Variants in GRM8 observed in about 807,000 individuals in gnomAD.
GRM8 encodes the protein metabotropic glutamate receptor 8.
A neutral mutation model predicts 87.2 loss-of-function variants in GRM8; 47 were observed. The ratio of observed to expected loss-of-function variants is 0.54; its 90% CI spans 0.43 to 0.69. The LOEUF is 0.69. Ranked by LOEUF, GRM8 falls within the 30% of genes least tolerant of loss-of-function variation. The pLI, the probability that GRM8 is intolerant of heterozygous loss-of-function variation, is 0.00. For missense variants in GRM8, 1,019 were observed against 1,139.2 expected (o/e 0.89, Z 1.52); for synonymous variants, 396 against 404.5 (o/e 0.98, Z 0.25).
At position 126,711,752 on chromosome 7, in the gene GRM8, T is replaced by C. The variant is rs75173248; in HGVS notation, c.1357+58113A>G. Among the ~76,000 whole-genome samples the C allele has an allele frequency of 1.9e-3, 288 of 152,378 alleles. 1 individual carries two copies. Among genetic ancestry groups the C allele is most frequent in the Non-Finnish European group, 2.7e-3 (183 of 68,040 alleles). On this transcript the variant is annotated intron_variant, in intron 7 of 10. Coordinates refer to ENST00000339582, the MANE Select transcript of GRM8 (RefSeq NM_000845.3). ...TTGGGATAACTTGCTGAAGCTTCTA[T>C]ATCAGCATTTGCTGCTCACCTTGCA...
At chr7:126,717,545 A>G (rs1164055292) in intron 7 of GRM8, among the ~76,000 whole-genome samples, 1 of 152,200 alleles carries the variant, frequency 6.6e-6, no homozygotes, top group East Asian at 1.9e-4. Context: ...ACAATTAGGA[A>G]AAGTAATACA....
intron 3 of GRM8, among the ~76,000 whole-genome samples, chr7:127,064,264 C>T (rs1820890182): frequency 6.6e-6 from 1 of 152,064 alleles, no homozygotes; most frequent in Admixed American, 6.6e-5. Context: ...GTCTATGTCT[C>T]TGTGGGTCTC....
intron 2 of GRM8, among the ~76,000 whole-genome samples, chr7:127,237,950 A>G (rs1267603661): frequency 6.6e-6 from 1 of 152,244 alleles, no homozygotes; most frequent in Non-Finnish European, 1.5e-5. Context: ...AAAGGAGAGC[A>G]GAGGAAATGT....
intron 2 of GRM8, among the ~76,000 whole-genome samples, chr7:127,178,476 C>G (rs1382205318): frequency 6.6e-6 from 1 of 152,200 alleles, no homozygotes; most frequent in Non-Finnish European, 1.5e-5. Flanking sequence ...GAGACCTACA[C>G]ATCCACACAC....
At chr7:127,025,870 ACTTT>A (rs1028366968) in intron 3 of GRM8, among the ~76,000 whole-genome samples, 5 of 152,098 alleles carry the variant, frequency 3.3e-5, no homozygotes. Context: ...ATATATATAT[ACTTT>A]AAGTTCTAGG....
At chr7:126,777,343 G>A (rs1585891277) in intron 6 of GRM8, among the ~76,000 whole-genome samples, 1 of 152,090 alleles carries the variant, frequency 6.6e-6, no homozygotes, top group Non-Finnish European at 1.5e-5. Flanking sequence ...TAGAAGAACT[G>A]AGATTCAAAA....
intron 7 of GRM8, among the ~76,000 whole-genome samples, chr7:126,699,291 T>C (rs1809685989): frequency 1.3e-5 from 2 of 152,224 alleles, no homozygotes; most frequent in Admixed American, 1.3e-4. Flanking sequence ...TTTTCCATTA[T>C]TTCCCTCAAT....
chr7:126,900,550 G>A (rs755895212), intron 6 of GRM8, among the ~76,000 whole-genome samples: 7 of 151,930 alleles, frequency 4.6e-5, no homozygotes, highest in East Asian at 1.9e-4. Context: ...TCACTCTGTC[G>A]CCCAGGCTGG....
chr7:126,986,415 A>G (rs928964680), intron 3 of GRM8, among the ~76,000 whole-genome samples: 4 of 152,186 alleles, frequency 2.6e-5, no homozygotes, highest in Admixed American at 2.6e-4. Context: ...ATTAATTCTT[A>G]TAGTTAGAGT....
intron 9 of GRM8, 67 bp downstream of exon 9, chr7:126,532,885 G>T: frequency 1.1e-6 from 1 of 918,370 alleles, no homozygotes; most frequent in Non-Finnish European, 1.7e-6. Flanking sequence ...ATAAAAGGAG[G>T]AAAAGCATCC....
intron 6 of GRM8, among the ~76,000 whole-genome samples, chr7:126,884,849 T>C (rs1247824046): frequency 1.3e-5 from 2 of 152,150 alleles, no homozygotes; most frequent in Non-Finnish European, 2.9e-5. Flanking sequence ...GTAACTGTAA[T>C]AAAAGCTAAA....
intron 6 of GRM8, among the ~76,000 whole-genome samples, chr7:126,894,593 C>G (rs1445740751): frequency 6.6e-6 from 1 of 151,966 alleles, no homozygotes. Context: ...ATGTTAGTTT[C>G]TCAGACCAAA....
chr7:127,214,209 T>C (rs1009852652), intron 2 of GRM8, among the ~76,000 whole-genome samples: 2 of 152,176 alleles, frequency 1.3e-5, no homozygotes, highest in Admixed American at 1.3e-4. Flanking sequence ...TGGTTGACCT[T>C]GGAGTAATAC....
At chr7:126,881,134 A>AG (rs1799984598) in intron 6 of GRM8, among the ~76,000 whole-genome samples, 1 of 152,230 alleles carries the variant, frequency 6.6e-6, no homozygotes, top group Admixed American at 6.5e-5. Flanking sequence ...AGAAAAAAAA[A>AG]TAGAATTCAT....
At chr7:126,633,467 C>T (rs757592970) in intron 7 of GRM8, among the ~76,000 whole-genome samples, 2 of 152,090 alleles carry the variant, frequency 1.3e-5, no homozygotes, top group Admixed American at 1.3e-4. Flanking sequence ...TGATGTTATT[C>T]GCTCTTGGTC....
rs1240526207 is a variant in GRM8 at position 126,533,487 on chromosome 7, CAG to C, written c.1893_1894del (p.Cys632LeufsTer46). The C allele has an allele frequency of 1.2e-6, 2 of 1,614,070 alleles. No homozygotes were observed. The highest frequency in any genetic ancestry group is 8.5e-7 in the Non-Finnish European group (1 of 1,179,988). On this transcript the variant is annotated frameshift_variant, in exon 9 of 11. Coordinates refer to ENST00000339582, the MANE Select transcript of GRM8 (RefSeq NM_000845.3). LOFTEE classifies it high-confidence loss of function. ...AATCATTAAAAACGTGATTGAATAA[CAG>C]AGAAAAATCCCCGTTAGGAGCACGT...
chr7:126,696,497 C>A (rs879910170), intron 7 of GRM8, among the ~76,000 whole-genome samples: 2 of 152,108 alleles, frequency 1.3e-5, no homozygotes, highest in Non-Finnish European at 2.9e-5. Context: ...ATTTTCTGTT[C>A]CTGTGTTAGT....
At chr7:126,613,180 A>T (rs79341603) in intron 7 of GRM8, among the ~76,000 whole-genome samples, 2,043 of 152,280 alleles carry the variant, frequency 0.013, 18 homozygotes, top group Middle Eastern at 0.024. Context: ...GCCATAAGGA[A>T]CTAACTCATT....
chr7:126,655,111 A>G (rs1563063165), intron 7 of GRM8, among the ~76,000 whole-genome samples: 1 of 152,362 alleles, frequency 6.6e-6, no homozygotes, highest in East Asian at 1.9e-4. Context: ...TTTCAGGAAG[A>G]AAATGTGATT....
Sources: gnomAD v4.1 joint callset for allele counts (sites outside exome capture counted in the v4.1 genomes callset) on GRCh38, gnomAD v4.1.1 for gene constraint, MANE v1.5 for transcripts, NCBI Gene and HGNC (gene_info 2026-07-23, HGNC 2026-07-21) for gene names.